CDH12: variants seen among roughly 807,000 people sequenced by gnomAD.
CDH12 encodes the protein cadherin-12.
CDH12 carries 41 observed loss-of-function variants against 74.1 expected under a neutral mutation model. That is an observed-to-expected ratio of 0.55 (90% CI 0.43 to 0.72). CDH12 has a LOEUF of 0.72. Ranked by LOEUF, CDH12 falls within the 30% of genes least tolerant of loss-of-function variation. The pLI is 0.00. For synonymous variants in CDH12, 399 were observed against 355.0 expected (o/e 1.12, Z -1.39); for missense variants, 945 against 977.2 (o/e 0.97, Z 0.44).
chr5:22,713,862 T>C (rs1743427512), intron 1 of CDH12, among the ~76,000 whole-genome samples: 1 of 152,182 alleles, frequency 6.6e-6, no homozygotes, highest in African/African-American at 2.4e-5. Flanking sequence ...CCATGTCTTC[T>C]AGAAAATCTA....
chr5:22,226,197 T>A (rs954013890), intron 3 of CDH12, among the ~76,000 whole-genome samples: 3 of 151,946 alleles, frequency 2.0e-5, no homozygotes, highest in Non-Finnish European at 4.4e-5. Flanking sequence ...CGGTATCCTG[T>A]CTGCGTTTGT....
At chr5:21,825,348 T>C (rs920885255) in intron 8 of CDH12, among the ~76,000 whole-genome samples, 1 of 152,174 alleles carries the variant, frequency 6.6e-6, no homozygotes, top group Admixed American at 6.5e-5. Context: ...TAAGCATTCT[T>C]TCAATTGAAG....
intron 8 of CDH12, among the ~76,000 whole-genome samples, chr5:21,818,525 T>C (rs2149948391): frequency 6.6e-6 from 1 of 151,950 alleles, no homozygotes; most frequent in African/African-American, 2.4e-5. Context: ...TCTCCCTTCT[T>C]CCCTCCTTCC....
intron 4 of CDH12, among the ~76,000 whole-genome samples, chr5:22,137,605 T>C (rs1746537460): frequency 6.6e-6 from 1 of 152,216 alleles, no homozygotes; most frequent in South Asian, 2.1e-4. Flanking sequence ...ATCCCATCAA[T>C]TTCCCAGGAG....
intron 6 of CDH12, among the ~76,000 whole-genome samples, chr5:21,865,509 C>T (rs1751278472): frequency 6.6e-6 from 1 of 152,126 alleles, no homozygotes; most frequent in Non-Finnish European, 1.5e-5. Context: ...GAATGGTTTT[C>T]ATGGATAGAT....
intron 2 of CDH12, among the ~76,000 whole-genome samples, chr5:22,408,372 C>T (rs201869794): frequency 7.1e-6 from 1 of 140,966 alleles, no homozygotes; most frequent in Non-Finnish European, 1.6e-5. Flanking sequence ...GGTCTCTGTC[C>T]TTTTTTTCAA....
chr5:22,708,494 AG>A (rs1345227025), intron 1 of CDH12, among the ~76,000 whole-genome samples: 8 of 152,144 alleles, frequency 5.3e-5, no homozygotes, highest in Admixed American at 5.2e-4. Flanking sequence ...AATGTGTAAA[AG>A]GGGTGGATGG....
At chr5:22,167,118 T>G (rs1439397518) in intron 4 of CDH12, among the ~76,000 whole-genome samples, 1 of 152,182 alleles carries the variant, frequency 6.6e-6, no homozygotes, top group African/African-American at 2.4e-5. Flanking sequence ...AACATACATA[T>G]GGATGAGAAA....
At position 22,832,518 on chromosome 5, in the gene CDH12, C is replaced by T. The variant is rs767111494; in HGVS notation, c.-523+20540G>A. Among the ~76,000 whole-genome samples the T allele has an allele frequency of 5.3e-5, 8 of 152,070 alleles. No homozygotes were observed. In the South Asian group the frequency reaches 6.2e-4, roughly 12 times the overall value. On this transcript the variant is annotated intron_variant, in intron 1 of 14. Transcript: ENST00000382254. Reference sequence around the variant, plus strand: ...CAGAGAAAATGTATGGGGTGAGATACGCAGAGAGGTCTGGGAATTAGGTTT... The same window carrying T: ...CAGAGAAAATGTATGGGGTGAGATATGCAGAGAGGTCTGGGAATTAGGTTT...
chr5:22,028,603 A>C (rs1734131654), intron 5 of CDH12, among the ~76,000 whole-genome samples: 1 of 152,182 alleles, frequency 6.6e-6, no homozygotes, highest in African/African-American at 2.4e-5. Context: ...TGCTCAATGA[A>C]ATAAAAGAGG....
intron 1 of CDH12, among the ~76,000 whole-genome samples, chr5:22,515,419 G>A (rs758107651): frequency 2.0e-5 from 3 of 152,042 alleles, no homozygotes; most frequent in Non-Finnish European, 4.4e-5. Flanking sequence ...AAAATATATT[G>A]ATTAAAACAG....
chr5:22,751,213 A>G (rs919651972), intron 1 of CDH12, among the ~76,000 whole-genome samples: 4 of 151,410 alleles, frequency 2.6e-5, no homozygotes, highest in African/African-American at 9.7e-5. Context: ...GAGGAAATGT[A>G]ATTTATTTAA....
intron 1 of CDH12, among the ~76,000 whole-genome samples, chr5:22,764,670 A>G (rs1338202597): frequency 6.6e-6 from 1 of 152,018 alleles, no homozygotes; most frequent in Non-Finnish European, 1.5e-5. Context: ...TCATCATTCA[A>G]GTGACAAACT....
chr5:22,299,293 C>T lies in CDH12; in HGVS notation c.-332-86650G>A, dbSNP rs138035812. ...GAGATAGCAGGAGTGGAATGGGTTA[C>T]CTAGGGCCATGTAGTGCCCTGGAAA... On this transcript the variant is annotated intron_variant, in intron 3 of 14. Coordinates refer to ENST00000382254, the MANE Select transcript of CDH12 (RefSeq NM_004061.5). Among the ~76,000 whole-genome samples, 422 of 152,078 alleles carry T rather than the reference C, an allele frequency of 2.8e-3. 2 individuals carry two copies. The highest frequency in any genetic ancestry group is 9.7e-3 in the African/African-American group (402 of 41,496).
At chr5:22,397,831 A>C (rs182568969) in intron 3 of CDH12, among the ~76,000 whole-genome samples, 16 of 152,200 alleles carry the variant, frequency 1.1e-4, no homozygotes, top group Admixed American at 2.6e-4. Context: ...ATCCAATATG[A>C]TTGATGCCCT....
chr5:22,131,666 A>T (rs1341695213), intron 4 of CDH12, among the ~76,000 whole-genome samples: 1 of 152,096 alleles, frequency 6.6e-6, no homozygotes, highest in Non-Finnish European at 1.5e-5. Flanking sequence ...GTTGCAAGAA[A>T]CTCTTTAGGT....
At chr5:21,933,993 A>G (rs1006287907) in intron 6 of CDH12, among the ~76,000 whole-genome samples, 2 of 152,238 alleles carry the variant, frequency 1.3e-5, no homozygotes, top group African/African-American at 4.8e-5. Flanking sequence ...TTATTTGACA[A>G]AAGGATTGCT....
chr5:22,256,937 T>C (rs1439414192), intron 3 of CDH12, among the ~76,000 whole-genome samples: 3 of 152,096 alleles, frequency 2.0e-5, no homozygotes, highest in South Asian at 4.1e-4. Context: ...TGACCATCAA[T>C]GATAGAATAC....
Position 22,028,030 on chromosome 5 carries a change from G to C in CDH12, c.231+50416C>G, listed in dbSNP as rs887354307. Among the ~76,000 whole-genome samples the C allele has an allele frequency of 8.6e-3, 1,301 of 152,152 alleles. 7 individuals are homozygous for C. The highest frequency in any genetic ancestry group is 0.014 in the Non-Finnish European group (953 of 68,008). On this transcript the variant is annotated intron_variant, in intron 5 of 14. Coordinates refer to ENST00000382254, the MANE Select transcript of CDH12 (RefSeq NM_004061.5). ...GTATGTTGTGTCTTTGTTCTCGTTG[G>C]TTTCAAAGAACATCTTTATTTCTGC...
Sources: gnomAD v4.1 joint callset for allele counts (sites outside exome capture counted in the v4.1 genomes callset) on GRCh38, gnomAD v4.1.1 for gene constraint, MANE v1.5 for transcripts, NCBI Gene and HGNC (gene_info 2026-07-23, HGNC 2026-07-21) for gene names.